ZNF251: variants seen among roughly 807,000 people sequenced by gnomAD.
ZNF251 encodes the protein zinc finger protein 251.
In ZNF251, 14 loss-of-function variants were observed where a neutral mutation model predicts 13.5. The ratio of observed to expected loss-of-function variants is 1.04; its 90% confidence interval spans 0.69 to 1.63. The LOEUF (loss-of-function observed/expected upper bound fraction) is 1.63, where lower values mean the gene tolerates loss of function less well. Among genes scored for constraint, ZNF251 ranks in the 40% most tolerant of loss-of-function variants. The pLI, the probability that ZNF251 is intolerant of heterozygous loss-of-function variation, is 0.00. For synonymous variants in ZNF251, 287 were observed against 295.2 expected, an observed-to-expected ratio of 0.97 and a Z score of 0.28; for missense variants, 764 against 834.9, an observed-to-expected ratio of 0.92 and a Z score of 1.05.
At chr8:144,732,669 G>A (rs566276024) in intron 4 of ZNF251, among the ~76,000 whole-genome samples, 23 of 152,156 alleles carry the variant, frequency 1.5e-4, no homozygotes, top group South Asian at 4.2e-4. Flanking sequence ...AAAATTAGCT[G>A]GGTGTGGTGG....
At chr8:144,724,171 G>C (rs561927219) in intron 4 of ZNF251, among the ~76,000 whole-genome samples, 8 of 150,778 alleles carry the variant, frequency 5.3e-5, no homozygotes, top group African/African-American at 2.0e-4. Flanking sequence ...GTGAACCCAG[G>C]AGGCGGAGCG....
At chr8:144,754,912 G>T (rs1057032814) in intron 1 of ZNF251, 109 bp from the exon 2 acceptor site, 50 of 1,440,764 alleles carry the variant, frequency 3.5e-5, no homozygotes, top group Non-Finnish European at 4.3e-5. Flanking sequence ...CGGGAGGCAG[G>T]TCACTATGCA....
chr8:144,724,025 C>T (rs1016858349), intron 4 of ZNF251, among the ~76,000 whole-genome samples: 2 of 152,030 alleles, frequency 1.3e-5, no homozygotes, highest in East Asian at 1.9e-4. Context: ...GGGCGGATCA[C>T]GAGGTCAGGA....
rs769769779 is a variant in ZNF251, at chr8:144,753,663, A to G, written c.277+20T>C. On this transcript the variant is annotated intron_variant, in intron 4 of 4. Transcript: ENST00000292562. ...GGATTGGGAGGCTGCTCCCAGGATT[A>G]GCATCCCATCCATTCTCACCTTTCT... 6.5e-7 allele frequency: 1 copy of G among 1,542,374 alleles called. No homozygotes were observed. Among genetic ancestry groups the G allele is most frequent in the South Asian group, 1.2e-5 (1 of 84,184 alleles).
intron 4 of ZNF251, among the ~76,000 whole-genome samples, chr8:144,725,258 G>T (rs577279221): frequency 2.6e-5 from 4 of 152,144 alleles, no homozygotes; most frequent in African/African-American, 4.8e-5. Flanking sequence ...CAGGCAATCC[G>T]TCCGCCTCGG....
intron 4 of ZNF251, among the ~76,000 whole-genome samples, chr8:144,737,958 C>T (rs1228649773): frequency 6.6e-6 from 1 of 151,778 alleles, no homozygotes; most frequent in African/African-American, 2.4e-5. Context: ...TCCTATTAAT[C>T]GTTAAACATA....
At chr8:144,732,620 G>C (rs1202620782) in intron 4 of ZNF251, among the ~76,000 whole-genome samples, 1 of 151,374 alleles carries the variant, frequency 6.6e-6, no homozygotes, top group Non-Finnish European at 1.5e-5. Context: ...AGACCATCCT[G>C]GCCAACACGG....
intron 4 of ZNF251, among the ~76,000 whole-genome samples, chr8:144,752,135 CAAAAAAAA>C (rs745386892): frequency 7.0e-5 from 6 of 86,188 alleles, no homozygotes; most frequent in South Asian, 3.6e-4. Flanking sequence ...ATAACTAGAC[CAAAAAAAA>C]AAAAAAAAAA....
chr8:144,731,321 A>G (rs1823688154), intron 4 of ZNF251, among the ~76,000 whole-genome samples: 1 of 152,212 alleles, frequency 6.6e-6, no homozygotes, highest in Admixed American at 6.5e-5. Flanking sequence ...TCCAGCTCCA[A>G]AAGTGTGTGT....
At chr8:144,737,571 G>C (rs746926581) in intron 4 of ZNF251, among the ~76,000 whole-genome samples, 1 of 151,896 alleles carries the variant, frequency 6.6e-6, no homozygotes, top group Non-Finnish European at 1.5e-5. Context: ...GCTCACACCT[G>C]TAATCCCAGC....
intron 4 of ZNF251, among the ~76,000 whole-genome samples, chr8:144,750,846 G>GTTTTTTTTTTTTTTTT (rs58473905): frequency 5.0e-5 from 7 of 141,314 alleles, no homozygotes; most frequent in Non-Finnish European, 6.1e-5. Context: ...TCTCTCCAGA[G>GTTTTTTTTTTTTTTTT]TTTTTTTTTT....
chr8:144,737,627 T>G (rs184465803), intron 4 of ZNF251, among the ~76,000 whole-genome samples: 2,273 of 151,840 alleles, frequency 0.015, 26 homozygotes, highest in Non-Finnish European at 0.023. Context: ...GGTCAGGAGA[T>G]CGAGACCATC....
At chr8:144,733,887 G>C (rs1229561967) in intron 4 of ZNF251, among the ~76,000 whole-genome samples, 3 of 152,254 alleles carry the variant, frequency 2.0e-5, no homozygotes, top group Non-Finnish European at 4.4e-5. Context: ...CTGGGAGGGA[G>C]CGCACCCATG....
chr8:144,744,225 T>C (rs1824307785), intron 4 of ZNF251, among the ~76,000 whole-genome samples: 1 of 152,146 alleles, frequency 6.6e-6, no homozygotes, highest in South Asian at 2.1e-4. Context: ...TTGGCCAGGC[T>C]GGTCTCGAAC....
rs758696883 is a variant in ZNF251, at chr8:144,723,045, T to C, written c.615A>G (p.Gly205=). The part of the protein sequence containing the change: ...NVVRLQRNKT[G]ERVFKCDICS... ...ATATATCACATTTAAAGACCCTCTC[T>C]CCTGTTTTATTTCTTTGAAGTCTAA... Residue 205 remains glycine, a synonymous_variant, in exon 5 of 5, where the codon GGA becomes GGG. Transcript: ENST00000292562. 1 of 1,614,072 alleles carries C rather than the reference T, an allele frequency of 6.2e-7. No individual in the cohort carries two copies. Among genetic ancestry groups the C allele is most frequent in the Admixed American group, 1.7e-5 (1 of 60,026 alleles).
At chr8:144,731,056 C>A (rs1477234308) in intron 4 of ZNF251, among the ~76,000 whole-genome samples, 1 of 152,144 alleles carries the variant, frequency 6.6e-6, no homozygotes, top group Non-Finnish European at 1.5e-5. Context: ...TTAAATGCTT[C>A]CAGATGATGG....
intron 4 of ZNF251, among the ~76,000 whole-genome samples, chr8:144,726,687 G>A (rs1188120669): frequency 4.0e-5 from 6 of 151,710 alleles, no homozygotes; most frequent in South Asian, 2.1e-4. Context: ...TGGCTAACAC[G>A]GTGAAACACC....
intron 4 of ZNF251, among the ~76,000 whole-genome samples, chr8:144,747,055 TTA>T (rs1162935587): frequency 1.1e-4 from 17 of 152,340 alleles, no homozygotes; most frequent in Middle Eastern, 3.4e-3. Context: ...AAAGCTTACA[TTA>T]TGATTTTAGA....
intron 2 of ZNF251, 183 bp downstream of exon 2, chr8:144,754,513 C>T: frequency 6.9e-7 from 1 of 1,448,888 alleles, no homozygotes; most frequent in Non-Finnish European, 9.1e-7. Context: ...GGGGACCCAG[C>T]TGAGCTCAGA....
Sources: gnomAD v4.1 joint callset for allele counts (sites outside exome capture counted in the v4.1 genomes callset) on GRCh38, gnomAD v4.1.1 for gene constraint, MANE v1.5 for transcripts, NCBI Gene and HGNC (gene_info 2026-07-23, HGNC 2026-07-21) for gene names.